NAV2: variants seen among roughly 807,000 people sequenced by gnomAD.
NAV2 encodes helicase, APC down-regulated 1.
NAV2 carries 54 observed loss-of-function variants against 223.2 expected under a neutral mutation model. The observed-to-expected ratio is 0.24, with a 90% CI of 0.19 to 0.30. The LOEUF is 0.30. Among genes scored for constraint, NAV2 ranks in the 10% least tolerant of loss-of-function variants. The probability of loss-of-function intolerance (pLI) is 1.00; values close to 1 mark genes in which losing one functional copy is unlikely to be tolerated. For synonymous variants in NAV2, 1,279 were observed against 1,239.3 expected (o/e 1.03, Z -0.67); for missense variants, 2,806 against 3,147.5 (o/e 0.89, Z 2.60).
intron 1 of NAV2, among the ~76,000 whole-genome samples, chr11:19,655,149 C>G (rs1052863761): frequency 2.6e-5 from 4 of 152,186 alleles, no homozygotes; most frequent in Admixed American, 1.3e-4. Context: ...AAATGCTCAT[C>G]ATCACTGGCC....
intron 11 of NAV2, among the ~76,000 whole-genome samples, chr11:19,996,025 T>C (rs562811730): frequency 6.6e-6 from 1 of 152,166 alleles, no homozygotes; most frequent in African/African-American, 2.4e-5. Context: ...ATGGTACTCC[T>C]GAGTGTCAGA....
Position 19,858,713 on chromosome 11 carries a change from G to A in NAV2, c.439-10212G>A, listed in dbSNP as rs547131927. On this transcript the variant is annotated intron_variant, in intron 3 of 37. Coordinates refer to ENST00000349880, the MANE Select transcript of NAV2 (RefSeq NM_145117.5). ...GTTTCTCATGCAACTCAATAGAAGA[G>A]ACTTTGACCACAAAGTTTTTTGGAT... 9.2e-5 allele frequency among the ~76,000 whole-genome samples: 14 copies of A among 152,314 alleles called. 1 individual carries two copies. The South Asian group carries it at 2.9e-3, about 32-fold the overall frequency.
chr11:19,397,891 G>A (rs1233128896), intron 1 of NAV2, among the ~76,000 whole-genome samples: 1 of 152,124 alleles, frequency 6.6e-6, no homozygotes, highest in Non-Finnish European at 1.5e-5. Context: ...TAGGGGAGGG[G>A]AAAAGAGAAA....
At chr11:19,921,945 G>GT (rs551517414) in intron 6 of NAV2, among the ~76,000 whole-genome samples, 1 of 152,148 alleles carries the variant, frequency 6.6e-6, no homozygotes, top group South Asian at 2.1e-4. Flanking sequence ...TGTGTGTGTG[G>GT]GTATATAAAT....
chr11:19,895,112 T>C (rs1308197226), intron 6 of NAV2, among the ~76,000 whole-genome samples: 30 of 139,856 alleles, frequency 2.1e-4, no homozygotes, highest in African/African-American at 5.7e-4. Context: ...TTCTTTTTTT[T>C]TTTTTTTTTT....
chr11:19,737,209 G>A (rs1466937919), intron 1 of NAV2, among the ~76,000 whole-genome samples: 3 of 152,188 alleles, frequency 2.0e-5, no homozygotes, highest in Non-Finnish European at 4.4e-5. Flanking sequence ...GGAACAGCCT[G>A]GTCAATCCCA....
intron 3 of NAV2, among the ~76,000 whole-genome samples, chr11:19,866,563 A>G (rs2062106269): frequency 6.6e-6 from 1 of 152,210 alleles, no homozygotes; most frequent in Admixed American, 6.5e-5. Flanking sequence ...TAGCCTTGCA[A>G]ACAGACACTA....
At position 19,371,425 on chromosome 11, in the gene NAV2, G is replaced by C. The variant is rs1262503316; in HGVS notation, c.75+20398G>C. On this transcript the variant is annotated intron_variant, in intron 1 of 37. Transcript: ENST00000360655. The stretch of plus-strand genomic sequence containing the variant: ...CAGGTTAACTCTAACCCAAAAAAGG[G>C]AAGCAACTTGCCCGAGACCCTTCAA... 3.3e-5 allele frequency among the ~76,000 whole-genome samples: 5 copies of C among 152,212 alleles called. No homozygotes were observed. In the East Asian group the frequency reaches 9.6e-4, roughly 29 times the overall value.
intron 6 of NAV2, among the ~76,000 whole-genome samples, chr11:19,932,763 G>A (rs189619610): frequency 1.3e-5 from 2 of 152,234 alleles, no homozygotes; most frequent in Admixed American, 1.3e-4. Context: ...GTATTTTAAT[G>A]TCTCTGATAC....
intron 1 of NAV2, among the ~76,000 whole-genome samples, chr11:19,546,528 C>A (rs4757005): frequency 8.5e-5 from 13 of 152,252 alleles, no homozygotes; most frequent in African/African-American, 2.9e-4. Flanking sequence ...CAGGGTGGGG[C>A]GGCTTCATGA....
At chr11:19,670,905 C>G (rs2048558057) in intron 1 of NAV2, among the ~76,000 whole-genome samples, 1 of 152,228 alleles carries the variant, frequency 6.6e-6, no homozygotes, top group South Asian at 2.1e-4. Context: ...TCATCCGGCC[C>G]CTTGGAATGC....
chr11:19,600,041 G>A (rs1459694779), intron 1 of NAV2, among the ~76,000 whole-genome samples: 1 of 152,230 alleles, frequency 6.6e-6, no homozygotes. Context: ...CTGTGAGGGA[G>A]TGGGGAGTGA....
rs1398673976 is a variant in NAV2 at position 19,720,421 on chromosome 11, C to A, written c.267+6459C>A. Among the ~76,000 whole-genome samples the A allele has an allele frequency of 2.6e-5, 4 of 152,338 alleles. 1 individual carries two copies. Among genetic ancestry groups the A allele is most frequent in the Admixed American group, 2.6e-4 (4 of 15,310 alleles). ...CTTTCCCAGGGAATACAGATCCTCTCTTGTGTTTTGCAAACAATGGGCCCC... is the reference window on the plus strand; with the variant it reads ...CTTTCCCAGGGAATACAGATCCTCTATTGTGTTTTGCAAACAATGGGCCCC... On this transcript the variant is annotated intron_variant, in intron 1 of 37. Transcript: ENST00000349880.
chr11:19,891,628 T>C (rs1452976734), intron 5 of NAV2, among the ~76,000 whole-genome samples: 1 of 152,232 alleles, frequency 6.6e-6, no homozygotes, highest in East Asian at 1.9e-4. Flanking sequence ...AATAATGCCT[T>C]TGGAGACAGG....
At chr11:19,929,888 G>T (rs114341598) in intron 6 of NAV2, among the ~76,000 whole-genome samples, 1 of 152,166 alleles carries the variant, frequency 6.6e-6, no homozygotes, top group African/African-American at 2.4e-5. Flanking sequence ...GAAGCACCAC[G>T]TGGTAACACA....
intron 31 of NAV2, 99 bp from the exon 32 acceptor site, chr11:20,100,838 A>G (rs1411333926): frequency 1.0e-6 from 1 of 957,862 alleles, no homozygotes; most frequent in African/African-American, 1.6e-5. Flanking sequence ...ACTGCCGAGG[A>G]GAGGAATCAC....
chr11:20,070,434 G>A (rs927415759), intron 22 of NAV2, among the ~76,000 whole-genome samples: 1 of 152,140 alleles, frequency 6.6e-6, no homozygotes, highest in African/African-American at 2.4e-5. Context: ...CAGTGACCTC[G>A]TGCTGCCACA....
intron 1 of NAV2, among the ~76,000 whole-genome samples, chr11:19,541,583 C>T (rs2044343594): frequency 6.6e-6 from 1 of 152,204 alleles, no homozygotes; most frequent in Non-Finnish European, 1.5e-5. Flanking sequence ...GTGGTCTCCT[C>T]CTCCCACACA....
At chr11:19,621,067 T>G (rs1361914370) in intron 1 of NAV2, among the ~76,000 whole-genome samples, 1 of 152,212 alleles carries the variant, frequency 6.6e-6, no homozygotes, top group Non-Finnish European at 1.5e-5. Flanking sequence ...TTAGGTTTAT[T>G]GATTTGTGTA....
Sources: allele counts gnomAD v4.1 joint callset (sites outside exome capture counted in the v4.1 genomes callset), GRCh38; gene constraint gnomAD v4.1.1; transcripts MANE v1.5; gene names NCBI Gene and HGNC (gene_info 2026-07-23, HGNC 2026-07-21).